Variants in SLC35F2 observed in about 807,000 individuals in gnomAD.
SLC35F2 encodes solute carrier family 35 member F2.
A neutral mutation model predicts 38.1 loss-of-function variants in SLC35F2; 25 were observed. The ratio of observed to expected loss-of-function variants is 0.66; its 90% confidence interval spans 0.48 to 0.92. SLC35F2 has a LOEUF of 0.92. SLC35F2 is among the 40% of genes least tolerant of loss of function. The probability of loss-of-function intolerance (pLI) is 0.00; values close to 1 mark genes in which losing one functional copy is unlikely to be tolerated. For missense variants in SLC35F2, 409 were observed against 452.9 expected (o/e 0.90, Z 0.88); for synonymous variants, 173 against 181.7 (o/e 0.95, Z 0.38).
chr11:107,794,094 T>C (rs2134754638), intron 7 of SLC35F2, among the ~76,000 whole-genome samples: 1 of 151,798 alleles, frequency 6.6e-6, no homozygotes, highest in Non-Finnish European at 1.5e-5. Flanking sequence ...TTTTTTTTTT[T>C]TTTTTAGACA....
chr11:107,822,094 T>C (rs1390280553), intron 1 of SLC35F2, among the ~76,000 whole-genome samples: 1 of 151,946 alleles, frequency 6.6e-6, no homozygotes, highest in Non-Finnish European at 1.5e-5. Flanking sequence ...ACAAAAAAAA[T>C]TAACTGGGTG....
intron 6 of SLC35F2, among the ~76,000 whole-genome samples, chr11:107,803,992 A>ATTTTTTT (rs71047624): frequency 7.4e-6 from 1 of 135,812 alleles, no homozygotes; most frequent in Non-Finnish European, 1.6e-5. Flanking sequence ...TGCCCGGATA[A>ATTTTTTT]TTTTTTTTTT....
intron 2 of SLC35F2, 96 bp from the exon 3 acceptor site, chr11:107,811,890 T>C: frequency 8.5e-7 from 1 of 1,183,212 alleles, no homozygotes; most frequent in Non-Finnish European, 1.2e-6. Context: ...AGTTTCTTGT[T>C]TTTTTTTCTT....
intron 3 of SLC35F2, among the ~76,000 whole-genome samples, chr11:107,808,872 A>T (rs1181192943): frequency 6.6e-6 from 1 of 152,266 alleles, no homozygotes; most frequent in Non-Finnish European, 1.5e-5. Context: ...AAACAAAAAA[A>T]GTAGAAAAAG....
At chr11:107,837,772 T>C (rs1859954432) in intron 1 of SLC35F2, among the ~76,000 whole-genome samples, 1 of 152,140 alleles carries the variant, frequency 6.6e-6, no homozygotes, top group East Asian at 1.9e-4. Context: ...TGATGACCTC[T>C]AAATTCCTAT....
chr11:107,835,122 A>C (rs1285729568), intron 1 of SLC35F2, among the ~76,000 whole-genome samples: 1 of 152,232 alleles, frequency 6.6e-6, no homozygotes. Flanking sequence ...TAAATCATTA[A>C]CACGCACACT....
At chr11:107,825,735 T>A (rs1859745363) in intron 1 of SLC35F2, among the ~76,000 whole-genome samples, 1 of 152,148 alleles carries the variant, frequency 6.6e-6, no homozygotes, top group African/African-American at 2.4e-5. Flanking sequence ...GACCAGACTT[T>A]GAGTGAGCAA....
At chr11:107,809,722 A>G in intron 3 of SLC35F2, 2 of 980,836 alleles carry the variant, frequency 2.0e-6, no homozygotes, top group Non-Finnish European at 2.4e-6. Context: ...TTGTATAGTC[A>G]CAGTAAGCAG....
intron 1 of SLC35F2, chr11:107,858,389 C>T: frequency 3.6e-6 from 1 of 277,424 alleles, no homozygotes; most frequent in African/African-American, 2.8e-5. Flanking sequence ...CCTAATAGTG[C>T]CACAGGGTGG....
intron 1 of SLC35F2, chr11:107,821,725 G>A (rs979861319): frequency 1.5e-5 from 10 of 648,132 alleles, no homozygotes; most frequent in South Asian, 1.4e-4. Context: ...TTTTACTAAC[G>A]GAACCTCCAC....
intron 1 of SLC35F2, among the ~76,000 whole-genome samples, chr11:107,825,440 C>T (rs1400716009): frequency 2.0e-5 from 3 of 149,096 alleles, no homozygotes; most frequent in Non-Finnish European, 4.4e-5. Flanking sequence ...GGCACGATCG[C>T]GGCTCACCGC....
Position 107,804,734 on chromosome 11 carries a change from A to G in SLC35F2, c.768T>C (p.His256=), listed in dbSNP as rs376357360. 4.1e-5 allele frequency: 66 copies of G among 1,608,416 alleles called. No individual in the cohort carries two copies. Among genetic ancestry groups the G allele is most frequent in the Admixed American group, 2.4e-4 (14 of 58,844 alleles). Reference sequence around the variant, plus strand: ...TTTACATACCAATTTTCCAGTCCCAATGAATGCTGGCAATATCCTTATATT... The same window carrying G: ...TTTACATACCAATTTTCCAGTCCCAGTGAATGCTGGCAATATCCTTATATT... The part of the protein sequence containing the change: ...IVEYKDIASI[H]WDWKIALLFV... Residue 256 remains histidine, a synonymous_variant, in exon 6 of 8, where the codon CAT becomes CAC. Transcript: ENST00000525815.
intron 1 of SLC35F2, among the ~76,000 whole-genome samples, chr11:107,848,301 G>A (rs909636909): frequency 5.9e-5 from 9 of 152,146 alleles, no homozygotes; most frequent in Non-Finnish European, 1.0e-4. Flanking sequence ...GAGGAGAGGA[G>A]GAGGGGCAGC....
At chr11:107,834,144 G>A (rs1028033604) in intron 1 of SLC35F2, among the ~76,000 whole-genome samples, 1 of 152,198 alleles carries the variant, frequency 6.6e-6, no homozygotes, top group East Asian at 1.9e-4. Context: ...TGCGGAAGGG[G>A]ATTGGGTAAG....
chr11:107,815,041 G>A (rs1012094405), intron 2 of SLC35F2, among the ~76,000 whole-genome samples: 1 of 151,970 alleles, frequency 6.6e-6, no homozygotes, highest in Non-Finnish European at 1.5e-5. Context: ...TTGTGCCACT[G>A]CACTCCAGCC....
chr11:107,808,017 G>T (rs1859425008), intron 3 of SLC35F2, among the ~76,000 whole-genome samples: 1 of 152,218 alleles, frequency 6.6e-6, no homozygotes, highest in African/African-American at 2.4e-5. Flanking sequence ...GACAGAGCAA[G>T]CTGTGTCCTT....
intron 1 of SLC35F2, among the ~76,000 whole-genome samples, chr11:107,851,030 T>C (rs1181963022): frequency 1.3e-5 from 2 of 151,176 alleles, no homozygotes; most frequent in South Asian, 4.2e-4. Context: ...TTTGGGAGGC[T>C]AAGGTGGGCG....
chr11:107,818,676 CT>C (rs1157423706), intron 1 of SLC35F2, among the ~76,000 whole-genome samples: 3 of 151,438 alleles, frequency 2.0e-5, no homozygotes, highest in African/African-American at 7.3e-5. Context: ...AGTTCTTGTT[CT>C]TCCTTTTCAG....
chr11:107,840,673 T>C (rs1195273204), intron 1 of SLC35F2: 1 of 152,198 alleles, frequency 6.6e-6, no homozygotes, highest in Non-Finnish European at 1.5e-5. Flanking sequence ...TTACACAGAA[T>C]CCTGCTGTGG....
Sources: gnomAD v4.1 joint callset for allele counts (sites outside exome capture counted in the v4.1 genomes callset) on GRCh38, gnomAD v4.1.1 for gene constraint, MANE v1.5 for transcripts, NCBI Gene and HGNC (gene_info 2026-07-23, HGNC 2026-07-21) for gene names.